Variants in ZNF605 observed in about 807,000 individuals in gnomAD.
ZNF605 encodes zinc finger protein 605.
A neutral mutation model predicts 7.9 loss-of-function variants in ZNF605; 9 were observed. The observed-to-expected ratio is 1.14, with a 90% CI of 0.68 to 1.98. The LOEUF is 1.98. Ranked by LOEUF, ZNF605 falls within the 30% of genes most tolerant of loss-of-function variation. The pLI, the probability that ZNF605 is intolerant of heterozygous loss-of-function variation, is 0.00. For synonymous variants in ZNF605, 255 were observed against 260.1 expected, an observed-to-expected ratio of 0.98 and a Z score of 0.19; for missense variants, 673 against 762.4, an observed-to-expected ratio of 0.88 and a Z score of 1.38.
rs1413846256 is a variant in ZNF605 at position 132,925,042 on chromosome 12, G to C, written c.*331C>G. 2.4e-5 allele frequency: 5 copies of C among 206,138 alleles called. No individual in the cohort carries two copies. Among genetic ancestry groups the C allele is most frequent in the Non-Finnish European group, 3.8e-5 (4 of 104,058 alleles). 12.8% of individuals were successfully genotyped at this position (206,138 alleles called of 1,614,324 possible). ...TTCCACTTTGTTATAAAAAACAATA[G>C]AATTTTCTTCCTGTTTAGGTATTCT... On this transcript the variant is annotated 3_prime_UTR_variant, in exon 5 of 5. Coordinates refer to ENST00000360187, the MANE Select transcript of ZNF605 (RefSeq NM_183238.4).
At chr12:132,939,150 A>G (rs1341804313) in intron 3 of ZNF605, among the ~76,000 whole-genome samples, 91 of 152,162 alleles carry the variant, frequency 6.0e-4, no homozygotes, top group Middle Eastern at 6.8e-3. Context: ...CGCACAGCGC[A>G]GGACTGGCAG....
Position 132,918,353 on chromosome 12 carries a change from A to G in ZNF605, c.*7020T>C, listed in dbSNP as rs1205263170. ...TTTGCAAATTGCTCCCAGTGATCAC[A>G]CTCACACATATGAATTCATGAAACA... On this transcript the variant is annotated 3_prime_UTR_variant, in exon 5 of 5. Transcript: ENST00000360187. The G allele has an allele frequency of 1.3e-5, 2 of 152,228 alleles. No individual in the cohort carries two copies. Among genetic ancestry groups the G allele is most frequent in the African/African-American group, 4.8e-5 (2 of 41,460 alleles). The allele number at this position is 152,228 out of a possible 1,614,324, so 9.4% of individuals were successfully genotyped here. A position where few individuals can be genotyped will look rare whatever the true frequency, so the allele number is the denominator to read the frequency against.
rs764305264 is a variant in ZNF605, at chr12:132,924,448, AAAG to A, written c.*922_*924del. The A allele has an allele frequency of 6.6e-6, 1 of 152,252 alleles. No homozygotes were observed. Among genetic ancestry groups the A allele is most frequent in the Non-Finnish European group, 1.5e-5 (1 of 68,078 alleles). 9.4% of individuals were successfully genotyped at this position (152,252 alleles called of 1,614,324 possible). On this transcript the variant is annotated 3_prime_UTR_variant, in exon 5 of 5. Transcript: ENST00000360187. The stretch of plus-strand genomic sequence containing the variant: ...CCTCAGTGCAAGTCAGTACTAAGTC[AAAG>A]GACTCAGGGGACTCCCAGCAGACTT...
In ZNF605 at chr12:132,925,717, T is replaced by G. The variant is rs2137123356; in HGVS notation, c.1582A>C (p.Thr528Pro). 1 of 1,614,192 alleles carries G rather than the reference T, an allele frequency of 6.2e-7. No homozygotes were observed. The highest frequency in any genetic ancestry group is 1.6e-4 in the Middle Eastern group (1 of 6,062). Residue 528 changes from threonine to proline, a missense_variant, in exon 5 of 5, where the codon ACA becomes CCA. Thr to Pro is a conservative substitution (Grantham distance 38). Coordinates refer to ENST00000360187, the MANE Select transcript of ZNF605 (RefSeq NM_183238.4). ...CTGCATTCATAGGGTTTCTCCCCTG[T>G]ATGAATTCTCTGATGCCTAAGAAGC... ...PQLLRHQRIHTGEKPYECSEC... is the reference protein window; with the variant it reads ...PQLLRHQRIHPGEKPYECSEC...
chr12:132,954,499 A>T (rs1218685209), intron 1 of ZNF605, among the ~76,000 whole-genome samples: 16 of 65,058 alleles, frequency 2.5e-4, no homozygotes, highest in Middle Eastern at 0.011. Flanking sequence ...TGGGACGAAC[A>T]CACTGGTCTC....
At chr12:132,951,702 ACAC>A (rs1303156293) in intron 1 of ZNF605, among the ~76,000 whole-genome samples, 3 of 151,890 alleles carry the variant, frequency 2.0e-5, no homozygotes, top group Non-Finnish European at 2.9e-5. Context: ...ATATACACGT[ACAC>A]CACACATGCA....
rs2137145770 is a variant in ZNF605 at position 132,939,745 on chromosome 12, C to T, written c.15+5876G>A. ...TCTTCCACACTGTGCAGGCTTTGTT[C>T]TTTCGCTCTTTGCAATAAATCTTGC... On this transcript the variant is annotated intron_variant, in intron 3 of 4. Coordinates refer to ENST00000360187, the MANE Select transcript of ZNF605 (RefSeq NM_183238.4). 2.0e-5 allele frequency among the ~76,000 whole-genome samples: 3 copies of T among 152,324 alleles called. No individual in the cohort carries two copies. The Middle Eastern group carries it at 0.01, about 518-fold the overall frequency.
chr12:132,936,679 G>A (rs1282305876), intron 3 of ZNF605, among the ~76,000 whole-genome samples: 2 of 152,078 alleles, frequency 1.3e-5, no homozygotes, highest in African/African-American at 2.4e-5. Flanking sequence ...ATAAGCAAAA[G>A]GGATCTCAAC....
rs1473333120 is a variant in ZNF605, at chr12:132,919,442, T to C, written c.*5931A>G. On this transcript the variant is annotated 3_prime_UTR_variant, in exon 5 of 5. Transcript: ENST00000360187. ...GCTTTGTCGCTCAGGCCAGAGTGAG[T>C]GCAGTGGCGCGATCTCAGCTCACTG... The C allele has an allele frequency of 7.0e-6, 1 of 143,476 alleles. No homozygotes were observed. The highest frequency in any genetic ancestry group is 1.5e-5 in the Non-Finnish European group (1 of 67,100). The allele number at this position is 143,476 out of a possible 1,614,324, so 8.9% of individuals were successfully genotyped here.
At chr12:132,938,958 C>G (rs1456166685) in intron 3 of ZNF605, among the ~76,000 whole-genome samples, 1 of 151,944 alleles carries the variant, frequency 6.6e-6, no homozygotes, top group Admixed American at 6.6e-5. Flanking sequence ...GCGCTGCGCT[C>G]GATTTCTCAC....
In ZNF605 at chr12:132,950,944, CAT is replaced by C. The variant is rs1340360677; in HGVS notation, c.-285-2676_-285-2675del. On this transcript the variant is annotated intron_variant, in intron 1 of 4. Transcript: ENST00000360187. ...CGTAACGTATACACAGACACGTACACATAGACATGCACACACACACTCAGACA... is the reference window on the plus strand; with the variant it reads ...CGTAACGTATACACAGACACGTACACAGACATGCACACACACACTCAGACA... Among the ~76,000 whole-genome samples the C allele has an allele frequency of 4.5e-4, 67 of 147,994 alleles. No individual in the cohort carries two copies. The East Asian group carries it at 0.011, about 23-fold the overall frequency.
At chr12:132,938,954 C>G (rs1344731398) in intron 3 of ZNF605, among the ~76,000 whole-genome samples, 5 of 152,054 alleles carry the variant, frequency 3.3e-5, no homozygotes, top group Admixed American at 2.0e-4. Flanking sequence ...ACCGGCGCTG[C>G]GCTCGATTTC....
intron 4 of ZNF605, among the ~76,000 whole-genome samples, chr12:132,931,438 A>AAAAAT (rs1952308540): frequency 6.6e-6 from 1 of 152,222 alleles, no homozygotes; most frequent in Non-Finnish European, 1.5e-5. Flanking sequence ...GAGTTACTAT[A>AAAAAT]CTATAGATGC....
In ZNF605 at chr12:132,924,374, A is replaced by C. The variant is rs1952228070; in HGVS notation, c.*999T>G. ...CATAAACTATTCCCAGCCCTGCATG[A>C]GTTCCAGGAATTGTTCAGCCTGCTG... On this transcript the variant is annotated 3_prime_UTR_variant, in exon 5 of 5. Transcript: ENST00000360187. The C allele has an allele frequency of 6.6e-6, 1 of 152,212 alleles. No homozygotes were observed. Among genetic ancestry groups the C allele is most frequent in the African/African-American group, 2.4e-5 (1 of 41,448 alleles). 9.4% of individuals were successfully genotyped at this position (152,212 alleles called of 1,614,324 possible).
At position 132,920,625 on chromosome 12, in the gene ZNF605, A is replaced by G. The variant is rs1046709306; in HGVS notation, c.*4748T>C. 6.6e-6 allele frequency: 1 copy of G among 152,192 alleles called. No homozygotes were observed. The highest frequency in any genetic ancestry group is 2.4e-5 in the African/African-American group (1 of 41,448). The allele number at this position is 152,192 out of a possible 1,614,324, so 9.4% of individuals were successfully genotyped here. On this transcript the variant is annotated 3_prime_UTR_variant, in exon 5 of 5. Transcript: ENST00000360187. ...CTAAATAATTTAAATTAATATGGTG[A>G]TGGAGTGTGTGGCGTTGGAAGAAAA...
At chr12:132,954,424 GGGGGAGGAGAAGGGTA>G in intron 1 of ZNF605, among the ~76,000 whole-genome samples, 19 of 43,664 alleles carry the variant, frequency 4.4e-4, no homozygotes, top group African/African-American at 2.1e-3. Context: ...TGAGAAGGAT[GGGGGAGGAGAAGGGTA>G]GGGAGGGGAG....
intron 3 of ZNF605, among the ~76,000 whole-genome samples, chr12:132,936,588 A>C (rs1166715001): frequency 1.3e-5 from 2 of 152,228 alleles, no homozygotes; most frequent in Admixed American, 1.3e-4. Flanking sequence ...GCCCCTACAA[A>C]TATACTCAAT....
In ZNF605 at chr12:132,941,844, G is replaced by A. The variant is rs1041281547; in HGVS notation, c.15+3777C>T. ...TTCTCGAGGCTGCCCTCCATCACGC[G>A]TCCTTCTTCTCCAGGCTGCCCTCCA... is the stretch of plus-strand genomic sequence containing the variant. On this transcript the variant is annotated intron_variant, in intron 3 of 4. Transcript: ENST00000360187. This position sits in a 1 kb window ranked among gnomAD's most constrained non-coding sequence, Gnocchi z 5.1. Among the ~76,000 whole-genome samples the A allele has an allele frequency of 2.0e-5, 3 of 151,514 alleles. No individual in the cohort carries two copies. Among genetic ancestry groups the A allele is most frequent in the South Asian group, 2.1e-4 (1 of 4,780 alleles).
At position 132,941,719 on chromosome 12, in the gene ZNF605, T is replaced by C. The variant is rs901144705; in HGVS notation, c.15+3902A>G. Among the ~76,000 whole-genome samples, 1 of 152,180 alleles carries C rather than the reference T, an allele frequency of 6.6e-6. No individual in the cohort carries two copies. Among genetic ancestry groups the C allele is most frequent in the Non-Finnish European group, 1.5e-5 (1 of 68,026 alleles). ...CACGCAGCCGTTCCCCGCAGGGCAC[T>C]TCCCACGGGTACCTCCAGGCTGCCC... On this transcript the variant is annotated intron_variant, in intron 3 of 4. Coordinates refer to ENST00000360187, the MANE Select transcript of ZNF605 (RefSeq NM_183238.4). This position sits in a 1 kb window ranked among gnomAD's most constrained non-coding sequence, Gnocchi z 5.1.
Sources: allele counts gnomAD v4.1 joint callset (sites outside exome capture counted in the v4.1 genomes callset), GRCh38; gene constraint gnomAD v4.1.1; non-coding constraint Gnocchi (gnomAD v3.1); transcripts MANE v1.5; gene names NCBI Gene and HGNC (gene_info 2026-07-23, HGNC 2026-07-21).